C2orf76: variants seen among roughly 807,000 people sequenced by gnomAD.
C2orf76 encodes chromosome 2 open reading frame 76.
A neutral mutation model predicts 16.9 loss-of-function variants in C2orf76; 23 were observed. The ratio of observed to expected loss-of-function variants is 1.36; its 90% CI spans 0.98 to 1.93. C2orf76 has a LOEUF of 1.93. Among genes scored for constraint, C2orf76 ranks in the 30% most tolerant of loss-of-function variants. The pLI, the probability that C2orf76 is intolerant of heterozygous loss-of-function variation, is 0.00. For missense variants in C2orf76, 152 were observed against 152.6 expected, an observed-to-expected ratio of 1.00 and a Z score of 0.02; for synonymous variants, 48 against 52.3, an observed-to-expected ratio of 0.92 and a Z score of 0.35.
At chr2:119,336,952 T>C (rs1456730334) in intron 2 of C2orf76, among the ~76,000 whole-genome samples, 1 of 152,174 alleles carries the variant, frequency 6.6e-6, no homozygotes, top group Admixed American at 6.5e-5. Flanking sequence ...TTTAGTGCAG[T>C]GTTTAGTAAG....
intron 2 of C2orf76, among the ~76,000 whole-genome samples, chr2:119,323,557 C>T (rs1458651828): frequency 6.6e-6 from 1 of 152,048 alleles, no homozygotes; most frequent in Non-Finnish European, 1.5e-5. Flanking sequence ...CCCGGCTGCA[C>T]GTCAGGATCA....
intron 2 of C2orf76, among the ~76,000 whole-genome samples, chr2:119,337,378 C>T (rs191579250): frequency 6.6e-6 from 1 of 152,128 alleles, no homozygotes; most frequent in Non-Finnish European, 1.5e-5. Flanking sequence ...GCCAGGCAAG[C>T]TTCTTAACCC....
intron 2 of C2orf76, among the ~76,000 whole-genome samples, chr2:119,327,110 G>A (rs1359352118): frequency 1.3e-5 from 2 of 152,134 alleles, no homozygotes; most frequent in Non-Finnish European, 2.9e-5. Context: ...CAGTGATGAT[G>A]AACAGATGTC....
At chr2:119,358,577 CAAAAAA>C in intron 1 of C2orf76, among the ~76,000 whole-genome samples, 1 of 88,348 alleles carries the variant, frequency 1.1e-5, no homozygotes, top group African/African-American at 4.4e-5. Flanking sequence ...GACTCTGTCT[CAAAAAA>C]AAAAAAAAAA....
At chr2:119,354,532 A>C (rs1015529854) in intron 1 of C2orf76, among the ~76,000 whole-genome samples, 2 of 152,178 alleles carry the variant, frequency 1.3e-5, no homozygotes, top group Non-Finnish European at 2.9e-5. Flanking sequence ...CAAAATATAA[A>C]AATTTTTTTT....
At chr2:119,365,865 G>T (rs1249271780) in intron 1 of C2orf76, among the ~76,000 whole-genome samples, 2 of 151,972 alleles carry the variant, frequency 1.3e-5, no homozygotes, top group Non-Finnish European at 2.9e-5. Flanking sequence ...ACCCTTTTAC[G>T]ATTTCCCATC....
intron 2 of C2orf76, among the ~76,000 whole-genome samples, chr2:119,334,080 A>T (rs1679761052): frequency 6.6e-6 from 1 of 152,120 alleles, no homozygotes. Flanking sequence ...GGCATGAGCC[A>T]CTGTGCCTGA....
chr2:119,348,978 C>A (rs185022724), intron 1 of C2orf76, among the ~76,000 whole-genome samples: 1 of 152,336 alleles, frequency 6.6e-6, no homozygotes, highest in African/African-American at 2.4e-5. Context: ...CAAAGCCAGA[C>A]CCTGGTCTCA....
intron 5 of C2orf76, 75 bp from the exon 6 acceptor site, chr2:119,302,623 G>A (rs1240979312): frequency 3.4e-6 from 3 of 870,050 alleles, no homozygotes; most frequent in Non-Finnish European, 5.0e-6. Context: ...AAATCCATAT[G>A]ACTTTGATTC....
chr2:119,325,408 C>T (rs113925054), intron 2 of C2orf76, among the ~76,000 whole-genome samples: 2,789 of 138,718 alleles, frequency 0.02, 35 homozygotes, highest in South Asian at 0.056. Context: ...TGCGGTGAGC[C>T]GAGATCTTGC....
intron 2 of C2orf76, among the ~76,000 whole-genome samples, chr2:119,331,411 T>C (rs1679674087): frequency 6.6e-6 from 1 of 152,186 alleles, no homozygotes; most frequent in South Asian, 2.1e-4. Flanking sequence ...ATTCTACTAG[T>C]TTTAGGTGGT....
intron 1 of C2orf76, among the ~76,000 whole-genome samples, chr2:119,365,641 C>T (rs1680927228): frequency 6.6e-6 from 1 of 152,118 alleles, no homozygotes; most frequent in African/African-American, 2.4e-5. Context: ...AATGACTTTG[C>T]TTTTTTAATG....
At chr2:119,351,424 T>C (rs927375254) in intron 1 of C2orf76, among the ~76,000 whole-genome samples, 1 of 152,092 alleles carries the variant, frequency 6.6e-6, no homozygotes, top group South Asian at 2.1e-4. Context: ...GTCCACAAAC[T>C]GGTCACTTGT....
chr2:119,339,734 G>A, intron 2 of C2orf76, 93 bp downstream of exon 2: 1 of 1,357,150 alleles, frequency 7.4e-7, no homozygotes, highest in Non-Finnish European at 1.0e-6. Flanking sequence ...ATCTTTCAAA[G>A]TACTTTAGGA....
At chr2:119,355,396 C>G in intron 1 of C2orf76, among the ~76,000 whole-genome samples, 1 of 152,180 alleles carries the variant, frequency 6.6e-6, no homozygotes. Flanking sequence ...TATCTCCCAC[C>G]AGACTGTCCA....
At chr2:119,340,126 A>C in intron 1 of C2orf76, 155 bp from the exon 2 acceptor site, 1 of 717,264 alleles carries the variant, frequency 1.4e-6, no homozygotes, top group Non-Finnish European at 2.2e-6. Context: ...CAGGTTCCAG[A>C]GTCCCCAGAA....
intron 3 of C2orf76, among the ~76,000 whole-genome samples, chr2:119,318,953 C>T (rs1558781311): frequency 6.6e-6 from 1 of 151,328 alleles, no homozygotes; most frequent in Non-Finnish European, 1.5e-5. Flanking sequence ...TAAAAATAAG[C>T]TTAAAATGTG....
intron 2 of C2orf76, among the ~76,000 whole-genome samples, chr2:119,338,509 AC>A (rs1679922632): frequency 6.6e-6 from 1 of 152,104 alleles, no homozygotes; most frequent in South Asian, 2.1e-4. Flanking sequence ...TGAGGATGCT[AC>A]CTAATCTGGG....
At chr2:119,291,459 T>G in the C2orf76 span, among the ~76,000 whole-genome samples, 4 of 151,928 alleles carry the variant, frequency 2.6e-5, no homozygotes, top group East Asian at 7.8e-4. Flanking sequence ...AGCCCATTAC[T>G]CCTAATTGGG....
Sources: gnomAD v4.1 joint callset for allele counts (sites outside exome capture counted in the v4.1 genomes callset) on GRCh38, gnomAD v4.1.1 for gene constraint, MANE v1.5 for transcripts, NCBI Gene and HGNC (gene_info 2026-07-23, HGNC 2026-07-21) for gene names.